The following DKK2 variants were observed in gnomAD, a reference collection of about 807,000 sequenced individuals.
DKK2 encodes dickkopf Wnt signaling pathway inhibitor 2.
Under a neutral mutation model 28.1 loss-of-function variants are expected in DKK2, and 11 were observed. The ratio of observed to expected loss-of-function variants is 0.39; its 90% CI spans 0.25 to 0.65. DKK2 has a LOEUF of 0.65. DKK2 is among the 30% of genes least tolerant of loss of function. The pLI, the probability that DKK2 is intolerant of heterozygous loss-of-function variation, is 0.47. For missense variants in DKK2, 326 were observed against 335.5 expected (o/e 0.97, Z 0.22); for synonymous variants, 135 against 126.5 (o/e 1.07, Z -0.45).
intron 1 of DKK2, among the ~76,000 whole-genome samples, chr4:106,939,806 A>T (rs935052601): frequency 1.3e-5 from 2 of 152,238 alleles, no homozygotes; most frequent in Non-Finnish European, 2.9e-5. Context: ...ATAATGCTGC[A>T]TATCTACAAC....
chr4:106,929,334 G>T (rs1724468604), intron 1 of DKK2, among the ~76,000 whole-genome samples: 1 of 152,172 alleles, frequency 6.6e-6, no homozygotes, highest in South Asian at 2.1e-4. Flanking sequence ...CAATGATTGT[G>T]TGGAAGACTG....
chr4:106,980,872 T>C (rs1388341254), intron 1 of DKK2, among the ~76,000 whole-genome samples: 1 of 152,220 alleles, frequency 6.6e-6, no homozygotes, highest in African/African-American at 2.4e-5. Flanking sequence ...AAGTTTATTT[T>C]ATAATAATAT....
At chr4:106,951,649 A>G (rs1444554563) in intron 1 of DKK2, among the ~76,000 whole-genome samples, 2 of 152,182 alleles carry the variant, frequency 1.3e-5, no homozygotes, top group Non-Finnish European at 2.9e-5. Flanking sequence ...TAGAAGAATG[A>G]CAGACACCAC....
chr4:107,025,637 A>G (rs1255880740), intron 1 of DKK2, among the ~76,000 whole-genome samples: 1 of 152,180 alleles, frequency 6.6e-6, no homozygotes, highest in Non-Finnish European at 1.5e-5. Flanking sequence ...TGCTCCTGCC[A>G]TTGCTGTGCA....
intron 1 of DKK2, among the ~76,000 whole-genome samples, chr4:106,956,374 C>G (rs542962330): frequency 6.6e-6 from 1 of 152,286 alleles, no homozygotes; most frequent in African/African-American, 2.4e-5. Flanking sequence ...CTACCAATGA[C>G]TTTCTTCACA....
At chr4:106,987,060 C>T (rs943376351) in intron 1 of DKK2, among the ~76,000 whole-genome samples, 10 of 152,138 alleles carry the variant, frequency 6.6e-5, no homozygotes, top group African/African-American at 2.4e-4. Flanking sequence ...TAAATAATTG[C>T]ATGCTAACTA....
In DKK2 at chr4:106,946,946, A is replaced by G. The variant is rs1235569969; in HGVS notation, c.223-20997T>C. ...CATTGTGATCCATTGATGATTTACC[A>G]AAGGCCTACTAATGTAGGCATTTTA... On this transcript the variant is annotated intron_variant, in intron 1 of 3. Transcript: ENST00000285311. 2.6e-5 allele frequency among the ~76,000 whole-genome samples: 4 copies of G among 152,108 alleles called. No homozygotes were observed. In the East Asian group the frequency reaches 7.7e-4, roughly 29 times the overall value.
chr4:107,032,597 C>A (rs557842704), intron 1 of DKK2, among the ~76,000 whole-genome samples: 2 of 152,136 alleles, frequency 1.3e-5, no homozygotes, highest in African/African-American at 4.8e-5. Flanking sequence ...TTTTCAACAT[C>A]CATTTAAGAG....
At chr4:106,936,585 G>A (rs964027597) in intron 1 of DKK2, among the ~76,000 whole-genome samples, 6 of 152,128 alleles carry the variant, frequency 3.9e-5, no homozygotes, top group African/African-American at 1.4e-4. Flanking sequence ...AGCAAGGCAG[G>A]CCAACATTCA....
intron 1 of DKK2, among the ~76,000 whole-genome samples, chr4:106,936,795 G>C (rs1253383171): frequency 6.6e-6 from 1 of 151,884 alleles, no homozygotes; most frequent in Non-Finnish European, 1.5e-5. Flanking sequence ...AGCCAGAAGA[G>C]AGTGGGGGCC....
chr4:106,996,101 G>A (rs983069225), intron 1 of DKK2, among the ~76,000 whole-genome samples: 1 of 152,120 alleles, frequency 6.6e-6, no homozygotes, highest in African/African-American at 2.4e-5. Context: ...TACATTGCAA[G>A]CCTTTCATTT....
intron 1 of DKK2, among the ~76,000 whole-genome samples, chr4:107,009,447 C>G (rs971437667): frequency 2.6e-5 from 4 of 151,906 alleles, no homozygotes; most frequent in Admixed American, 6.6e-5. Context: ...TGCACTTTTT[C>G]TGTATTTATG....
Position 106,923,814 on chromosome 4 carries a change from C to T in DKK2, c.*140G>A, listed in dbSNP as rs1347695623. ...CTATTCAGTTCATGTTTTCTTTCTC[C>T]CTTTTTGTGATCATCTATATTCTTA... On this transcript the variant is annotated 3_prime_UTR_variant, in exon 4 of 4. Transcript: ENST00000285311. 100 of 1,198,980 alleles carry T rather than the reference C, an allele frequency of 8.3e-5. No homozygotes were observed. The highest frequency in any genetic ancestry group is 1.0e-4 in the Non-Finnish European group (90 of 865,504). The allele number at this position is 1,198,980 out of a possible 1,614,324, so 74.3% of individuals were successfully genotyped here.
chr4:106,943,726 T>C (rs562600148), intron 1 of DKK2, among the ~76,000 whole-genome samples: 1 of 152,092 alleles, frequency 6.6e-6, no homozygotes, highest in Non-Finnish European at 1.5e-5. Context: ...ATCATGTTTT[T>C]CATCTGTAAA....
At chr4:106,941,119 ATAAC>A (rs1382466328) in intron 1 of DKK2, among the ~76,000 whole-genome samples, 1 of 152,104 alleles carries the variant, frequency 6.6e-6, no homozygotes, top group African/African-American at 2.4e-5. Flanking sequence ...AAAAAATAAA[ATAAC>A]AAAATAAAAA....
chr4:106,940,807 T>C (rs1368977143), intron 1 of DKK2, among the ~76,000 whole-genome samples: 2 of 152,148 alleles, frequency 1.3e-5, no homozygotes, highest in East Asian at 3.9e-4. Flanking sequence ...ATGTCCTTTG[T>C]AAGGACATGG....
chr4:107,010,507 A>G (rs1344329284), intron 1 of DKK2, among the ~76,000 whole-genome samples: 3 of 151,650 alleles, frequency 2.0e-5, no homozygotes, highest in Non-Finnish European at 4.4e-5. Flanking sequence ...CTTCTAGACA[A>G]TACTTGTTGC....
chr4:106,972,876 C>T (rs1016863726), intron 1 of DKK2, among the ~76,000 whole-genome samples: 1 of 152,124 alleles, frequency 6.6e-6, no homozygotes, highest in African/African-American at 2.4e-5. Flanking sequence ...TCTCCTAATG[C>T]TATTCCTCTC....
At chr4:107,001,095 A>T (rs1177714372) in intron 1 of DKK2, among the ~76,000 whole-genome samples, 1 of 152,050 alleles carries the variant, frequency 6.6e-6, no homozygotes, top group African/African-American at 2.4e-5. Context: ...AGGGGGAAAA[A>T]ACTCTACCCT....
Sources: allele counts gnomAD v4.1 joint callset (sites outside exome capture counted in the v4.1 genomes callset), GRCh38; gene constraint gnomAD v4.1.1; transcripts MANE v1.5; gene names NCBI Gene and HGNC (gene_info 2026-07-23, HGNC 2026-07-21).